The following SCN1A variants were observed in gnomAD, a reference collection of about 807,000 sequenced individuals.
SCN1A encodes sodium channel protein type 1 subunit alpha.
In SCN1A, 13 loss-of-function variants were observed where a neutral mutation model predicts 193.7. That is an observed-to-expected ratio of 0.07 (90% CI 0.04 to 0.11). The LOEUF (loss-of-function observed/expected upper bound fraction) is 0.11. Ranked by LOEUF, SCN1A falls within the 10% of genes least tolerant of loss-of-function variation. SCN1A has a pLI of 1.00. For missense variants in SCN1A, 1,432 were observed against 2,451.1 expected, an observed-to-expected ratio of 0.58 and a Z score of 8.78; for synonymous variants, 781 against 843.6, an observed-to-expected ratio of 0.93 and a Z score of 1.29.
intron 2 of SCN1A, among the ~76,000 whole-genome samples, chr2:166,078,047 C>T (rs1574393977): frequency 6.6e-6 from 1 of 151,860 alleles, no homozygotes; most frequent in African/African-American, 2.4e-5. Context: ...CAGTGATTGC[C>T]AGGGCAGTGA....
chr2:166,091,797 T>G (rs1041708913), intron 2 of SCN1A, among the ~76,000 whole-genome samples: 3 of 152,254 alleles, frequency 2.0e-5, no homozygotes, highest in Non-Finnish European at 4.4e-5. Context: ...TAGAATTGTA[T>G]GCATAATCAT....
At chr2:166,026,306 A>G (rs1694752676) in intron 19 of SCN1A, among the ~76,000 whole-genome samples, 1 of 152,144 alleles carries the variant, frequency 6.6e-6, no homozygotes, top group African/African-American at 2.4e-5. Flanking sequence ...TTGCATCAAT[A>G]TATTCTTATA....
intron 1 of SCN1A, among the ~76,000 whole-genome samples, chr2:166,142,716 A>G (rs776467713): frequency 3.3e-5 from 5 of 152,148 alleles, no homozygotes; most frequent in African/African-American, 7.2e-5. Flanking sequence ...TCACTTGCTG[A>G]TATGGTTTGG....
chr2:166,097,700 C>A (rs1348035621), intron 2 of SCN1A, among the ~76,000 whole-genome samples: 1 of 152,142 alleles, frequency 6.6e-6, no homozygotes, highest in Non-Finnish European at 1.5e-5. Context: ...CTTCCTCAGC[C>A]TCCTCAGTAG....
At chr2:166,061,184 G>A (rs1461201) in intron 4 of SCN1A, among the ~76,000 whole-genome samples, 70,458 of 151,832 alleles carry the variant, frequency 0.46, 17,435 homozygotes, top group South Asian at 0.56. Flanking sequence ...TGGCTCCTTG[G>A]CCACTGTTCA....
intron 13 of SCN1A, among the ~76,000 whole-genome samples, 197 bp from the exon 14 acceptor site, chr2:166,044,246 T>G (rs1200609509): frequency 2.0e-5 from 3 of 152,092 alleles, no homozygotes; most frequent in African/African-American, 7.2e-5. Context: ...TTCTAGCCCT[T>G]GGGATTAAAG....
At chr2:166,041,509 A>G in intron 15 of SCN1A, 40 bp from the exon 16 acceptor site, 1 of 1,220,014 alleles carries the variant, frequency 8.2e-7, no homozygotes. Flanking sequence ...ACCAAAAGGT[A>G]TACTTTATAC....
chr2:166,035,962 ACAT>A, intron 19 of SCN1A, 83 bp downstream of exon 19: 1 of 1,401,512 alleles, frequency 7.1e-7, no homozygotes, highest in East Asian at 2.3e-5. Flanking sequence ...TTAAGTCAAA[ACAT>A]CATTAAGCTG....
chr2:166,032,405 T>G (rs1461797450), intron 19 of SCN1A, among the ~76,000 whole-genome samples: 1 of 152,082 alleles, frequency 6.6e-6, no homozygotes, highest in African/African-American at 2.4e-5. Context: ...ATTCCTAATG[T>G]AGAACAAAGA....
chr2:166,047,505 C>T (rs375487630), intron 11 of SCN1A, 122 bp downstream of exon 11: 1 of 1,093,586 alleles, frequency 9.1e-7, no homozygotes, highest in Non-Finnish European at 1.4e-6. Flanking sequence ...GATAGAGGAA[C>T]TCAAGTCTCG....
chr2:166,122,009 A>G (rs1402018325), intron 2 of SCN1A, among the ~76,000 whole-genome samples: 1 of 152,210 alleles, frequency 6.6e-6, no homozygotes. Context: ...GACATCAGCA[A>G]GCCAAGGAGA....
chr2:166,030,811 T>C (rs1695458049), intron 19 of SCN1A, among the ~76,000 whole-genome samples: 1 of 152,058 alleles, frequency 6.6e-6, no homozygotes, highest in African/African-American at 2.4e-5. Flanking sequence ...GCACCCAGCA[T>C]TGTGGTAGGT....
rs1689027773 is a variant in SCN1A at position 165,990,804 on chromosome 2, A to C, written c.*441T>G. The C allele has an allele frequency of 5.7e-6, 1 of 176,218 alleles. No individual in the cohort carries two copies. Among genetic ancestry groups the C allele is most frequent in the African/African-American group, 2.4e-5 (1 of 41,646 alleles). 10.9% of individuals were successfully genotyped at this position (176,218 alleles called of 1,614,324 possible). A position where few individuals can be genotyped will look rare whatever the true frequency, so the allele number is the denominator to read the frequency against. On this transcript the variant is annotated 3_prime_UTR_variant, in exon 29 of 29. Transcript: ENST00000674923. ...AGAAACTTCGTTTACAAAAATAGTC[A>C]CATATAATAAACACATGGATTAACA...
At chr2:166,068,158 A>C (rs1187382579) in intron 4 of SCN1A, among the ~76,000 whole-genome samples, 1 of 152,178 alleles carries the variant, frequency 6.6e-6, no homozygotes, top group Non-Finnish European at 1.5e-5. Flanking sequence ...TGTTTGAGGT[A>C]CTGGGTATTT....
At chr2:166,136,930 T>G (rs1691883971) in intron 1 of SCN1A, among the ~76,000 whole-genome samples, 1 of 152,184 alleles carries the variant, frequency 6.6e-6, no homozygotes, top group Non-Finnish European at 1.5e-5. Context: ...TGGGCTGCAT[T>G]CAAAGCCAAC....
At chr2:166,104,718 C>T (rs1445315274) in intron 2 of SCN1A, among the ~76,000 whole-genome samples, 36 of 152,004 alleles carry the variant, frequency 2.4e-4, no homozygotes, top group Admixed American at 2.3e-3. Context: ...CTCCAACCTG[C>T]GTGACAGAGC....
chr2:166,024,485 T>C (rs972600020), intron 19 of SCN1A, among the ~76,000 whole-genome samples: 1 of 152,170 alleles, frequency 6.6e-6, no homozygotes, highest in Non-Finnish European at 1.5e-5. Flanking sequence ...TTACCTGGGT[T>C]TTTGTTTTGT....
At chr2:166,031,127 G>C (rs1695498447) in intron 19 of SCN1A, among the ~76,000 whole-genome samples, 1 of 152,122 alleles carries the variant, frequency 6.6e-6, no homozygotes, top group Non-Finnish European at 1.5e-5. Context: ...GACTTAAAGA[G>C]AGGATGAAAT....
At chr2:166,130,752 C>T (rs1691626078), upstream of SCN1A, among the ~76,000 whole-genome samples, 1 of 152,180 alleles carries the variant, frequency 6.6e-6, no homozygotes, top group Non-Finnish European at 1.5e-5. Flanking sequence ...TATTAACTAA[C>T]AACTCATCAT....
Sources: allele counts gnomAD v4.1 joint callset (sites outside exome capture counted in the v4.1 genomes callset), GRCh38; gene constraint gnomAD v4.1.1; transcripts MANE v1.5; gene names NCBI Gene and HGNC (gene_info 2026-07-23, HGNC 2026-07-21).